Variants in RTL4 observed in about 807,000 individuals in gnomAD.
RTL4 encodes retrotransposon Gag-like protein 4.
RTL4 carries 4 observed loss-of-function variants against 5.3 expected under a neutral mutation model. That is an observed-to-expected ratio of 0.75 (90% CI 0.37 to 1.72). The LOEUF is 1.72. Ranked by LOEUF, RTL4 falls within the 40% of genes most tolerant of loss-of-function variation. The pLI is 0.04. For missense variants in RTL4, 260 were observed against 227.1 expected, an observed-to-expected ratio of 1.14 and a Z score of -0.93; for synonymous variants, 98 against 87.3, an observed-to-expected ratio of 1.12 and a Z score of -0.68.
At chrX:112,125,141 C>T in the RTL4 span, among the ~76,000 whole-genome samples, 1 of 108,489 alleles carries the variant, frequency 9.2e-6, no homozygotes, top group Non-Finnish European at 1.9e-5. Flanking sequence ...CCTGATCTCA[C>T]GTGATCTGCC....
At chrX:112,274,874 A>T in the RTL4 span, among the ~76,000 whole-genome samples, 1 of 112,067 alleles carries the variant, frequency 8.9e-6, no homozygotes, top group Admixed American at 9.5e-5. Flanking sequence ...TGGGATAATG[A>T]TCATAACTGA....
At chrX:112,372,771 C>G in the RTL4 span, among the ~76,000 whole-genome samples, 1 of 111,983 alleles carries the variant, frequency 8.9e-6, no homozygotes, top group South Asian at 3.7e-4. Context: ...CTTCTTGTAT[C>G]TAAAACTTTT....
At chrX:112,118,617 T>G in the RTL4 span, among the ~76,000 whole-genome samples, 2 of 111,726 alleles carry the variant, frequency 1.8e-5, no homozygotes, top group Non-Finnish European at 3.8e-5. Flanking sequence ...TATACAAGGG[T>G]GTTAATACCA....
the RTL4 span, among the ~76,000 whole-genome samples, chrX:112,304,862 C>T: frequency 4.2e-3 from 459 of 108,937 alleles, 1 homozygote; most frequent in Non-Finnish European, 7.4e-3. Flanking sequence ...TCCTGCATCT[C>T]TCTTTCCTTA....
At chrX:112,180,858 C>T in the RTL4 span, among the ~76,000 whole-genome samples, 3 of 112,326 alleles carry the variant, frequency 2.7e-5, no homozygotes, top group Non-Finnish European at 5.6e-5. Flanking sequence ...TTGTTTAAAA[C>T]TCTATCAGAA....
At chrX:112,240,993 T>C in the RTL4 span, among the ~76,000 whole-genome samples, 20 of 111,472 alleles carry the variant, frequency 1.8e-4, no homozygotes, top group African/African-American at 6.5e-4. Flanking sequence ...ACAAAGGACA[T>C]GAACTCATCA....
chrX:112,156,268 G>A, the RTL4 span, among the ~76,000 whole-genome samples: 1 of 112,309 alleles, frequency 8.9e-6, no homozygotes, highest in Non-Finnish European at 1.9e-5. Flanking sequence ...TTACCCAAGA[G>A]TTGCAAGTCA....
chrX:112,085,544 G>A, the RTL4 span, among the ~76,000 whole-genome samples: 1 of 111,528 alleles, frequency 9.0e-6, no homozygotes, highest in East Asian at 2.8e-4. Context: ...GATATTTTAG[G>A]CCAGATGATT....
chrX:112,355,882 A>G, the RTL4 span, among the ~76,000 whole-genome samples: 1 of 111,427 alleles, frequency 9.0e-6, no homozygotes, highest in East Asian at 2.8e-4. Flanking sequence ...TGGAGAACAG[A>G]CCAGGAACAG....
At chrX:112,099,675 C>A in the RTL4 span, among the ~76,000 whole-genome samples, 1 of 111,030 alleles carries the variant, frequency 9.0e-6, no homozygotes, top group East Asian at 2.9e-4. Context: ...CAGAGCTTGG[C>A]AGTGGGGAAT....
chrX:112,254,761 T>C, the RTL4 span, among the ~76,000 whole-genome samples: 1 of 111,194 alleles, frequency 9.0e-6, no homozygotes, highest in African/African-American at 3.3e-5. Context: ...GAGAGCATGG[T>C]ATATGTTAAA....
the RTL4 span, among the ~76,000 whole-genome samples, chrX:112,181,270 G>A: frequency 1.8e-5 from 2 of 111,683 alleles, no homozygotes; most frequent in Non-Finnish European, 3.8e-5. Context: ...GGCAGACACC[G>A]AGCTAGCTGC....
chrX:112,127,934 A>G, the RTL4 span, among the ~76,000 whole-genome samples: 1 of 112,200 alleles, frequency 8.9e-6, no homozygotes, highest in African/African-American at 3.2e-5. Context: ...TACCTAAATA[A>G]ATGGAAAGAT....
chrX:112,234,326 C>T, the RTL4 span, among the ~76,000 whole-genome samples: 2 of 111,801 alleles, frequency 1.8e-5, no homozygotes, highest in Admixed American at 9.5e-5. Flanking sequence ...CACTCTTATC[C>T]CCTTGTTTCT....
At chrX:112,431,738 T>C in the RTL4 span, among the ~76,000 whole-genome samples, 1 of 110,646 alleles carries the variant, frequency 9.0e-6, no homozygotes, top group South Asian at 3.9e-4. Context: ...TTTTATTTTA[T>C]TATTATTGTA....
At chrX:112,308,580 T>A in the RTL4 span, among the ~76,000 whole-genome samples, 1 of 111,762 alleles carries the variant, frequency 8.9e-6, no homozygotes, top group Non-Finnish European at 1.9e-5. Context: ...CTTTCCTTTT[T>A]TTCTGGATAC....
At chrX:112,158,626 T>C in the RTL4 span, among the ~76,000 whole-genome samples, 1 of 111,099 alleles carries the variant, frequency 9.0e-6, no homozygotes, top group Non-Finnish European at 1.9e-5. Context: ...TGTCCACATT[T>C]CCATGTCATT....
the RTL4 span, among the ~76,000 whole-genome samples, chrX:112,235,451 C>A: frequency 1.8e-5 from 2 of 111,554 alleles, no homozygotes; most frequent in African/African-American, 3.3e-5. Context: ...GGGCCCAAAG[C>A]AATCCCCATA....
At chrX:112,430,128 T>C in the RTL4 span, among the ~76,000 whole-genome samples, 1 of 111,690 alleles carries the variant, frequency 9.0e-6, no homozygotes, top group African/African-American at 3.2e-5. Flanking sequence ...TTTCAAATGT[T>C]GCATTTGTTC....
Sources: allele counts gnomAD v4.1 joint callset (sites outside exome capture counted in the v4.1 genomes callset), GRCh38; gene constraint gnomAD v4.1.1; transcripts MANE v1.5; gene names NCBI Gene and HGNC (gene_info 2026-07-23, HGNC 2026-07-21).